The following SLC6A16 variants were observed in gnomAD, a reference collection of about 807,000 sequenced individuals.
The protein encoded by SLC6A16 is orphan sodium- and chloride-dependent neurotransmitter transporter NTT5.
SLC6A16 carries 54 observed loss-of-function variants against 65.4 expected under a neutral mutation model. The observed-to-expected ratio is 0.83, with a 90% CI of 0.66 to 1.04. SLC6A16 has a LOEUF of 1.04. Among genes scored for constraint, SLC6A16 ranks in the 50% least tolerant of loss-of-function variants. SLC6A16 has a pLI of 0.00. For missense variants in SLC6A16, 816 were observed against 914.0 expected (o/e 0.89, Z 1.38); for synonymous variants, 330 against 346.5 (o/e 0.95, Z 0.53).
rs548736635 is a variant in SLC6A16 at position 49,298,311 on chromosome 19, TGAA to T, written c.1230-3761_1230-3759del. Among the ~76,000 whole-genome samples the T allele has an allele frequency of 9.2e-5, 14 of 152,212 alleles. 1 individual carries two copies. Among genetic ancestry groups the T allele is most frequent in the East Asian group, 5.8e-4 (3 of 5,186 alleles). ...TCTGCACAGCAAAAGAAACTCAACATGAAGGAGAGAAAATATTTGCAAACTATG... is the reference window on the plus strand; with the variant it reads ...TCTGCACAGCAAAAGAAACTCAACATGGAGAGAAAATATTTGCAAACTATG... On this transcript the variant is annotated intron_variant, in intron 7 of 11. Coordinates refer to ENST00000335875, the MANE Select transcript of SLC6A16 (RefSeq NM_014037.3).
rs1257400781 is a variant in SLC6A16 at position 49,292,486 on chromosome 19, T to C, written c.1778+737A>G. ...TAAATACCTTTTTAAAAAACAAATC[T>C]AATAATGGCACTCCCACCTGAAAAT... On this transcript the variant is annotated intron_variant, in intron 10 of 11. Transcript: ENST00000335875. The surrounding 1 kb of genome is among the most constrained non-coding windows in gnomAD (Gnocchi z 4.3). Among the ~76,000 whole-genome samples the C allele has an allele frequency of 6.6e-6, 1 of 152,188 alleles. No homozygotes were observed. Among genetic ancestry groups the C allele is most frequent in the Non-Finnish European group, 1.5e-5 (1 of 68,042 alleles).
intron 7 of SLC6A16, among the ~76,000 whole-genome samples, chr19:49,301,136 AC>A (rs1970283072): frequency 6.6e-6 from 1 of 152,190 alleles, no homozygotes; most frequent in African/African-American, 2.4e-5. Flanking sequence ...GGGAGAAAGA[AC>A]CCTAGAAAAA....
At position 49,292,916 on chromosome 19, in the gene SLC6A16, C is replaced by T. The variant is rs576267352; in HGVS notation, c.1778+307G>A. On this transcript the variant is annotated intron_variant, in intron 10 of 11. Coordinates refer to ENST00000335875, the MANE Select transcript of SLC6A16 (RefSeq NM_014037.3). The surrounding 1 kb of genome is among the most constrained non-coding windows in gnomAD (Gnocchi z 4.3). ...TCCTATCGCCTGTATTTATTCTCAA[C>T]GTTTTTATTCTTTATTTGCTAATCT... 1.2e-4 allele frequency among the ~76,000 whole-genome samples: 18 copies of T among 152,288 alleles called. No homozygotes were observed. The South Asian group carries it at 1.5e-3, about 12-fold the overall frequency.
Position 49,311,105 on chromosome 19 carries a change from G to T in SLC6A16, c.243C>A (p.Asn81Lys). ...VLEALTASAL[N>K]QKPTHEKVQM... ...GCACCTTCTCATGCGTGGGTTTCTG[G>T]TTCAGGGCTGAGGCAGTTAACGCCT... The change falls in exon 2 of 12, where the codon AAC becomes AAA. Residue 81 changes from asparagine to lysine, a missense_variant. Coordinates refer to ENST00000335875, the MANE Select transcript of SLC6A16 (RefSeq NM_014037.3). 6.2e-7 allele frequency: 1 copy of T among 1,614,232 alleles called. No individual in the cohort carries two copies. Among genetic ancestry groups the T allele is most frequent in the Non-Finnish European group, 8.5e-7 (1 of 1,180,034 alleles).
upstream of SLC6A16, among the ~76,000 whole-genome samples, chr19:49,329,224 C>G (rs1038548126): frequency 1.3e-5 from 2 of 151,934 alleles, no homozygotes; most frequent in Non-Finnish European, 2.9e-5. Context: ...TCCCGAGTAG[C>G]TGGGACTACA....
At chr19:49,339,323 C>A in the SLC6A16 span, 1 of 1,612,554 alleles carries the variant, frequency 6.2e-7, no homozygotes, top group Non-Finnish European at 8.5e-7. The surrounding 1 kb of genome is among the most constrained non-coding windows in gnomAD (Gnocchi z 4.5). Context: ...TTCCCTACAC[C>A]CCCCAGGGCT....
the SLC6A16 span, chr19:49,339,327 C>CT: frequency 1.2e-6 from 2 of 1,613,704 alleles, no homozygotes; most frequent in Non-Finnish European, 1.7e-6. This position sits in a 1 kb window ranked among gnomAD's most constrained non-coding sequence, Gnocchi z 4.5. Flanking sequence ...CTACACCCCC[C>CT]AGGGCTGCGC....
chr19:49,315,039 A>AAC (rs1970592378), intron 1 of SLC6A16, among the ~76,000 whole-genome samples: 1 of 72,784 alleles, frequency 1.4e-5, no homozygotes, highest in Non-Finnish European at 2.5e-5. Context: ...CCTACCCAAC[A>AAC]AAAAAAAAAA....
At chr19:49,336,852 T>C in the SLC6A16 span, 1 of 1,591,262 alleles carries the variant, frequency 6.3e-7, no homozygotes, top group Non-Finnish European at 8.6e-7. Context: ...AGGTGGGAAA[T>C]GGGGCTGCCT....
rs762898845 is a variant in SLC6A16 at position 49,290,149 on chromosome 19, G to C, written c.2185C>G (p.Pro729Ala). The change falls in exon 12 of 12, where the codon CCA becomes GCA. Residue 729 changes from proline (P) to alanine (A), a missense_variant. Pro to Ala is a conservative substitution (Grantham distance 27). Coordinates refer to ENST00000335875, the MANE Select transcript of SLC6A16 (RefSeq NM_014037.3). ...TAGGAAGTCACATTACAAGTTGATG[G>C]GTACTTTGTTTCATCAACTTGTAGA... ...EILQVDETKY[P>A]STCNVTS 1 of 1,613,996 alleles carries C rather than the reference G, an allele frequency of 6.2e-7. No individual in the cohort carries two copies. The highest frequency in any genetic ancestry group is 2.2e-5 in the East Asian group (1 of 44,882).
chr19:49,311,398 C>T lies in SLC6A16; in HGVS notation c.-51G>A, dbSNP rs1970520850. ...CCCGCTTCTGCAAGGGAGGGTTCATCTTCCTGAGGAGACCTGAAGGACACC... is the reference window on the plus strand; with the variant it reads ...CCCGCTTCTGCAAGGGAGGGTTCATTTTCCTGAGGAGACCTGAAGGACACC... On this transcript the variant is annotated 5_prime_UTR_variant, in exon 2 of 12. Transcript: ENST00000335875. 6.6e-7 allele frequency: 1 copy of T among 1,515,820 alleles called. No individual in the cohort carries two copies. The highest frequency in any genetic ancestry group is 1.3e-5 in the South Asian group (1 of 74,578). The allele number at this position is 1,515,820 out of a possible 1,614,324, so 93.9% of individuals were successfully genotyped here. A position where few individuals can be genotyped will look rare whatever the true frequency, so the allele number is the denominator to read the frequency against.
chr19:49,314,173 C>T (rs144611757), intron 1 of SLC6A16, among the ~76,000 whole-genome samples: 1 of 151,430 alleles, frequency 6.6e-6, no homozygotes, highest in Admixed American at 6.6e-5. Context: ...ATAAAAAGAT[C>T]ATAATGGACA....
the SLC6A16 span, chr19:49,332,162 C>G: frequency 2.2e-6 from 1 of 456,700 alleles, no homozygotes; most frequent in African/African-American, 2.0e-5. Context: ...CCTGGTGGCT[C>G]CAGGAGTTCC....
chr19:49,340,042 C>T, the SLC6A16 span: 7 of 1,496,316 alleles, frequency 4.7e-6, 1 homozygote, highest in Non-Finnish European at 5.3e-6. Context: ...TTCTCAGCCT[C>T]TACCCCCACT....
the SLC6A16 span, chr19:49,339,776 G>A: frequency 3.6e-6 from 5 of 1,370,016 alleles, no homozygotes; most frequent in African/African-American, 2.9e-5. The surrounding 1 kb of genome is among the most constrained non-coding windows in gnomAD (Gnocchi z 4.5). Context: ...GCTGACGGCG[G>A]CGGCGGGCAC....
intron 10 of SLC6A16, among the ~76,000 whole-genome samples, chr19:49,291,673 A>G (rs1970081219): frequency 6.6e-6 from 1 of 152,038 alleles, no homozygotes; most frequent in Admixed American, 6.6e-5. Flanking sequence ...AGAAAGTGGC[A>G]TTTGGCCCTT....
the SLC6A16 span, chr19:49,336,048 CCTT>C: frequency 1.9e-6 from 1 of 526,240 alleles, no homozygotes; most frequent in African/African-American, 1.9e-5. Context: ...CCCCCACAAA[CCTT>C]CCCCTCGCTT....
chr19:49,297,703 G>A (rs887276632), intron 7 of SLC6A16, among the ~76,000 whole-genome samples: 1 of 152,162 alleles, frequency 6.6e-6, no homozygotes, highest in Non-Finnish European at 1.5e-5. Flanking sequence ...CTCTGAGTAG[G>A]AGAATGGATG....
At chr19:49,331,401 C>T in the SLC6A16 span, among the ~76,000 whole-genome samples, 2 of 152,106 alleles carry the variant, frequency 1.3e-5, no homozygotes, top group Non-Finnish European at 2.9e-5. Context: ...AGGCTGGTCT[C>T]GAACTCCTGG....
Sources: gnomAD v4.1 joint callset for allele counts (sites outside exome capture counted in the v4.1 genomes callset) on GRCh38, gnomAD v4.1.1 for gene constraint, Gnocchi (gnomAD v3.1) non-coding constraint, MANE v1.5 for transcripts, NCBI Gene and HGNC (gene_info 2026-07-23, HGNC 2026-07-21) for gene names.